CDC42BPB: variants seen among roughly 807,000 people sequenced by gnomAD.
CDC42BPB encodes CDC42 binding protein kinase beta.
In CDC42BPB, 37 loss-of-function variants were observed where a neutral mutation model predicts 214.9. The ratio of observed to expected loss-of-function variants is 0.17; its 90% confidence interval spans 0.13 to 0.23. CDC42BPB has a LOEUF of 0.23. Among genes scored for constraint, CDC42BPB ranks in the 10% least tolerant of loss-of-function variants. CDC42BPB has a pLI of 1.00. For synonymous variants in CDC42BPB, 931 were observed against 884.0 expected (o/e 1.05, Z -0.94); for missense variants, 1,694 against 2,227.0 (o/e 0.76, Z 4.82).
chr14:102,997,215 T>C (rs980447079), intron 5 of CDC42BPB, among the ~76,000 whole-genome samples: 4 of 152,020 alleles, frequency 2.6e-5, no homozygotes, highest in Non-Finnish European at 5.9e-5. Flanking sequence ...CTCACACCTC[T>C]CGAGAGCAGC....
intron 7 of CDC42BPB, among the ~76,000 whole-genome samples, chr14:102,982,273 C>G (rs938897189): frequency 3.9e-5 from 6 of 152,168 alleles, no homozygotes; most frequent in Non-Finnish European, 7.3e-5. Flanking sequence ...GTAACTTTTG[C>G]TTTGCTTTGG....
chr14:102,971,922 T>C lies in CDC42BPB; in HGVS notation c.1881A>G (p.Lys627=), dbSNP rs763569929. 1.9e-6 allele frequency: 3 copies of C among 1,614,022 alleles called. No individual in the cohort carries two copies. Among genetic ancestry groups the C allele is most frequent in the Non-Finnish European group, 2.5e-6 (3 of 1,179,906 alleles). The change falls in exon 13 of 37, where the codon AAA becomes AAG. Residue 627 remains lysine (K), a synonymous_variant. Coordinates refer to ENST00000361246, the MANE Select transcript of CDC42BPB (RefSeq NM_006035.4). ...QEMRRAEKLR[K]ELEAQLDDAV... ...CCTGAACCATCTCCACAGCTACCTC[T>C]TTCCTGAGCTTCTCAGCTCTCCGCA...
At chr14:102,949,029 C>T (rs910588408) in intron 26 of CDC42BPB, among the ~76,000 whole-genome samples, 5 of 152,188 alleles carry the variant, frequency 3.3e-5, no homozygotes, top group Admixed American at 1.3e-4. Flanking sequence ...GTACCCAGCC[C>T]CGGCCTGAGC....
chr14:103,022,958 C>T (rs1484477369), intron 1 of CDC42BPB, among the ~76,000 whole-genome samples: 1 of 151,974 alleles, frequency 6.6e-6, no homozygotes, highest in East Asian at 1.9e-4. Flanking sequence ...TTCATTTACA[C>T]ACCATGAAAA....
At position 102,980,722 on chromosome 14, in the gene CDC42BPB, G is replaced by C. The variant is rs768964916; in HGVS notation, c.1140+51C>G. On this transcript the variant is annotated intron_variant, in intron 8 of 36. Coordinates refer to ENST00000361246, the MANE Select transcript of CDC42BPB (RefSeq NM_006035.4). ...TAAGCAACGCCCTCAACACAGCACT[G>C]CATGTCAGACCCACAGCCAGCAACC... The C allele has an allele frequency of 7.6e-6, 12 of 1,573,830 alleles. No homozygotes were observed. In the South Asian group the frequency reaches 1.3e-4, roughly 18 times the overall value.
intron 29 of CDC42BPB, among the ~76,000 whole-genome samples, 162 bp downstream of exon 29, chr14:102,945,500 C>T (rs1434234066): frequency 6.6e-6 from 1 of 152,284 alleles, no homozygotes; most frequent in Admixed American, 6.5e-5. Context: ...CTTAGCACCG[C>T]GTCGCCATGC....
chr14:102,940,059 C>A lies in CDC42BPB; in HGVS notation c.4578G>T (p.Lys1526Asn). Residue 1526 changes from lysine (K) to asparagine (N), a missense_variant, in exon 32 of 37, where the codon AAG becomes AAT. By Grantham distance (94) the Lys-to-Asn change is moderately conservative. This residue lies in a region of CDC42BPB where 567 missense variants were observed against 790.3 expected (regional missense o/e 0.72). Transcript: ENST00000361246. ...NCEPPRLIYF[K>N]SKFSGAVLNV... is the part of the protein sequence containing the mutation. The stretch of plus-strand genomic sequence containing the variant: ...AGGAAGGCTCACCCGAGAACTTGCT[C>A]TTGAAGTAGATCAAGCGTGGAGGCT... The A allele has an allele frequency of 6.2e-7, 1 of 1,613,990 alleles. No individual in the cohort carries two copies. The highest frequency in any genetic ancestry group is 8.5e-7 in the Non-Finnish European group (1 of 1,180,032).
Position 102,955,759 on chromosome 14 carries a change from G to A in CDC42BPB, c.2902-1071C>T, listed in dbSNP as rs549982925. Among the ~76,000 whole-genome samples, 7 of 152,358 alleles carry A rather than the reference G, an allele frequency of 4.6e-5. No homozygotes were observed. In the South Asian group the frequency reaches 1.4e-3, roughly 32 times the overall value. Reference sequence around the variant, plus strand: ...TGCTGAGTAGCAAGTGTTAGCACCAGCAAGCAGTGTGATGGGACACAGACA... The same window carrying A: ...TGCTGAGTAGCAAGTGTTAGCACCAACAAGCAGTGTGATGGGACACAGACA... On this transcript the variant is annotated intron_variant, in intron 21 of 36. Transcript: ENST00000361246.
rs548033579 is a variant in CDC42BPB, at chr14:102,933,691, C to T, written c.*21G>A. ...TGGAGGCCATCTCCAGCTCCCTGGC[C>T]CCTGTGGCGAGCTGGCGGCTTCAGG... On this transcript the variant is annotated 3_prime_UTR_variant, in exon 37 of 37. Transcript: ENST00000361246. 2.8e-6 allele frequency: 4 copies of T among 1,440,538 alleles called. No homozygotes were observed. The highest frequency in any genetic ancestry group is 3.6e-5 in the Admixed American group (1 of 28,042). The allele number at this position is 1,440,538 out of a possible 1,614,324, so 89.2% of individuals were successfully genotyped here. A position where few individuals can be genotyped will look rare whatever the true frequency, so the allele number is the denominator to read the frequency against.
intron 2 of CDC42BPB, among the ~76,000 whole-genome samples, chr14:103,009,655 T>C (rs1566900679): frequency 6.6e-6 from 1 of 152,232 alleles, no homozygotes; most frequent in African/African-American, 2.4e-5. Flanking sequence ...ATTCCTTCAT[T>C]TCCCTTGGTC....
At chr14:103,009,351 C>T (rs1328398270) in intron 2 of CDC42BPB, among the ~76,000 whole-genome samples, 4 of 152,296 alleles carry the variant, frequency 2.6e-5, no homozygotes, top group South Asian at 2.1e-4. Flanking sequence ...GGTGTTGAGC[C>T]GCGCATCCGC....
At position 102,945,193 on chromosome 14, in the gene CDC42BPB, C is replaced by G. The variant is rs151049228; in HGVS notation, c.3811+469G>C. On this transcript the variant is annotated intron_variant, in intron 29 of 36. Transcript: ENST00000361246. ...GCTCACATGAAATGTCGCTGGATTC[C>G]TTGAGGGATGCTCCCCTGGGCCCCT... 16 of 455,686 alleles carry G rather than the reference C, an allele frequency of 3.5e-5. No homozygotes were observed. The East Asian group carries it at 1.0e-3, about 30-fold the overall frequency. The allele number at this position is 455,686 out of a possible 1,614,324, so 28.2% of individuals were successfully genotyped here.
chr14:103,034,818 CAAAA>C (rs573894825), intron 1 of CDC42BPB, among the ~76,000 whole-genome samples: 5 of 62,838 alleles, frequency 8.0e-5, no homozygotes, highest in Non-Finnish European at 7.1e-5. Flanking sequence ...ACTCCGTCTC[CAAAA>C]AAAAAAAAAA....
chr14:103,040,138 T>A (rs1275510754), intron 1 of CDC42BPB, among the ~76,000 whole-genome samples: 1 of 152,156 alleles, frequency 6.6e-6, no homozygotes, highest in Non-Finnish European at 1.5e-5. Flanking sequence ...GTGGATCGCC[T>A]GAGGTCAAGC....
chr14:102,972,320 C>A, intron 12 of CDC42BPB, 159 bp from the exon 13 acceptor site: 1 of 985,428 alleles, frequency 1.0e-6, no homozygotes, highest in Non-Finnish European at 1.2e-6. Context: ...GACCTGTGCT[C>A]TGTCTCGTGC....
At chr14:102,981,086 A>T (rs1893977592) in intron 7 of CDC42BPB, 65 bp from the exon 8 acceptor site, 5 of 1,592,536 alleles carry the variant, frequency 3.1e-6, no homozygotes, top group Non-Finnish European at 4.3e-6. Flanking sequence ...AGGTGTACAG[A>T]TATGATAGGA....
intron 14 of CDC42BPB, among the ~76,000 whole-genome samples, chr14:102,969,605 A>G (rs754382393): frequency 2.0e-5 from 3 of 152,190 alleles, no homozygotes; most frequent in East Asian, 1.9e-4. Context: ...CGGCTCACAC[A>G]TGAGGAGATC....
At chr14:102,965,974 A>C (rs950826282) in intron 18 of CDC42BPB, among the ~76,000 whole-genome samples, 12 of 152,202 alleles carry the variant, frequency 7.9e-5, no homozygotes, top group African/African-American at 2.7e-4. Flanking sequence ...AAAATAAAAT[A>C]CACACATCAC....
At position 102,966,636 on chromosome 14, in the gene CDC42BPB, AATAT is replaced by A. The variant is rs1234254432; in HGVS notation, c.2472-253_2472-250del. 6.2e-5 allele frequency: 24 copies of A among 388,674 alleles called. No individual in the cohort carries two copies. The Admixed American group carries it at 1.5e-3, about 25-fold the overall frequency. 24.1% of individuals were successfully genotyped at this position (388,674 alleles called of 1,614,324 possible). A position where few individuals can be genotyped will look rare whatever the true frequency, so the allele number is the denominator to read the frequency against. Reference sequence around the variant, plus strand: ...AATGAAAAAATTCTATTACTCCATAAATATATATACCTACTACGCACCCACAAAA... The same window carrying A: ...AATGAAAAAATTCTATTACTCCATAAATATACCTACTACGCACCCACAAAA... On this transcript the variant is annotated intron_variant, in intron 17 of 36. Coordinates refer to ENST00000361246, the MANE Select transcript of CDC42BPB (RefSeq NM_006035.4).
Sources: gnomAD v4.1 joint callset for allele counts (sites outside exome capture counted in the v4.1 genomes callset) on GRCh38, gnomAD v4.1.1 for gene constraint, gnomAD v4.1.1 regional missense constraint, MANE v1.5 for transcripts, NCBI Gene and HGNC (gene_info 2026-07-23, HGNC 2026-07-21) for gene names.